SEPTIN1: variants seen among roughly 807,000 people sequenced by gnomAD.
The protein encoded by SEPTIN1 is septin 1, also known as septin-1.
A neutral mutation model predicts 50.7 loss-of-function variants in SEPTIN1; 52 were observed. The observed-to-expected ratio is 1.03, with a 90% CI of 0.82 to 1.29. The LOEUF (loss-of-function observed/expected upper bound fraction) is 1.29. SEPTIN1 is among the 50% of genes most tolerant of loss of function. The pLI is 0.00. For missense variants in SEPTIN1, 455 were observed against 490.7 expected, an observed-to-expected ratio of 0.93 and a Z score of 0.69; for synonymous variants, 204 against 189.1, an observed-to-expected ratio of 1.08 and a Z score of -0.65.
Position 30,378,483 on chromosome 16 carries a change from G to A in SEPTIN1, c.1070C>T (p.Ala357Val), listed in dbSNP as rs1008692747. 4 of 1,578,042 alleles carry A rather than the reference G, an allele frequency of 2.5e-6. No individual in the cohort carries two copies. In the Admixed American group the frequency reaches 5.6e-5, roughly 22 times the overall value. ...CTGGGCCTGGCTCTGCTGCATTTGGGCCTGCATCTTCTCCAGCATCTCTTG... is the reference window on the plus strand; with the variant it reads ...CTGGGCCTGGCTCTGCTGCATTTGGACCTGCATCTTCTCCAGCATCTCTTG... The part of the protein sequence containing the change: ...RMQEMLEKMQ[A>V]QMQQSQAQGE... The change falls in exon 11 of 11, where the codon GCC becomes GTC. Residue 357 changes from alanine (A) to valine (V), a missense_variant. Coordinates refer to ENST00000321367, the MANE Select transcript of SEPTIN1 (RefSeq NM_001365977.2).
At chr16:30,379,284 G>A (rs1567423366) in intron 8 of SEPTIN1, 101 bp from the exon 9 acceptor site, 3 of 1,516,468 alleles carry the variant, frequency 2.0e-6, no homozygotes, top group East Asian at 4.5e-5. Context: ...CCACTCTAGC[G>A]GAGGGTCCGC....
At position 30,381,897 on chromosome 16, in the gene SEPTIN1, G is replaced by C; in HGVS notation, c.197-14C>G. 6.2e-7 allele frequency: 1 copy of C among 1,613,964 alleles called. No homozygotes were observed. Among genetic ancestry groups the C allele is most frequent in the East Asian group, 2.2e-5 (1 of 44,884 alleles). On this transcript the variant is annotated splice_polypyrimidine_tract_variant and intron_variant, in intron 3 of 10. Transcript: ENST00000321367. The surrounding 1 kb of genome is among the most constrained non-coding windows in gnomAD (Gnocchi z 4.3). ...GTGTCAAGCGAGCTGTGGGATGGGG[G>C]AGAGGTCAGGGATCCGGGGAGGCTC... is the stretch of plus-strand genomic sequence containing the variant.
At position 30,381,143 on chromosome 16, in the gene SEPTIN1, T is replaced by G; in HGVS notation, c.557A>C (p.Gln186Pro). 1 of 1,613,758 alleles carries G rather than the reference T, an allele frequency of 6.2e-7. No individual in the cohort carries two copies. Among genetic ancestry groups the G allele is most frequent in the Middle Eastern group, 1.7e-4 (1 of 6,060 alleles). Reference sequence around the variant, plus strand: ...CACTCACACCTTCTGCTTGAGGGCCTGGGTTTCCTGGGGCATCAGAGCATC... The same window carrying G: ...CACTCACACCTTCTGCTTGAGGGCCGGGGTTTCCTGGGGCATCAGAGCATC... ...KADALMPQET[Q>P]ALKQKIRDQL... Residue 186 changes from glutamine (Q) to proline (P), a missense_variant, in exon 6 of 11, where the codon CAG becomes CCG. Transcript: ENST00000321367. The surrounding 1 kb of genome is among the most constrained non-coding windows in gnomAD (Gnocchi z 4.3).
In SEPTIN1 at chr16:30,378,382, A is replaced by G. The variant is rs2049780212; in HGVS notation, c.*52T>C. 1 of 1,488,176 alleles carries G rather than the reference A, an allele frequency of 6.7e-7. No individual in the cohort carries two copies. The highest frequency in any genetic ancestry group is 8.9e-7 in the Non-Finnish European group (1 of 1,119,382). The allele number at this position is 1,488,176 out of a possible 1,614,324, so 92.2% of individuals were successfully genotyped here. On this transcript the variant is annotated 3_prime_UTR_variant, in exon 11 of 11. Coordinates refer to ENST00000321367, the MANE Select transcript of SEPTIN1 (RefSeq NM_001365977.2). ...GGGCAGTGTGGGGCGCGGGGATTGG[A>G]CAAGAGGCCGACTGAAGGCGGAGCC...
chr16:30,381,693 T>G lies in SEPTIN1; in HGVS notation c.320+67A>C. 6.3e-7 allele frequency: 1 copy of G among 1,596,052 alleles called. No individual in the cohort carries two copies. On this transcript the variant is annotated intron_variant, in intron 4 of 10. Transcript: ENST00000321367. The surrounding 1 kb of genome is among the most constrained non-coding windows in gnomAD (Gnocchi z 4.3). The stretch of plus-strand genomic sequence containing the variant: ...GAGATAGGGAGCCAGCACAAACCAG[T>G]CCTGTAACTCTCCAGGGAGTCGCCA...
intron 9 of SEPTIN1, 140 bp downstream of exon 9, chr16:30,378,878 G>A: frequency 1.4e-6 from 1 of 712,230 alleles, no homozygotes; most frequent in Non-Finnish European, 2.3e-6. Flanking sequence ...GACGGAGAGA[G>A]GGAGGGAGGG....
rs373881495 is a variant in SEPTIN1 at position 30,378,452 on chromosome 16, C to T, written c.1101G>A (p.Glu367=). The T allele has an allele frequency of 1.1e-5, 18 of 1,572,482 alleles. No individual in the cohort carries two copies. The highest frequency in any genetic ancestry group is 2.0e-5 in the Admixed American group (1 of 50,204). ...AQMQQSQAQG[E]QSDAL ...CGTGGCCTCAGAGGGCGTCTGACTG[C>T]TCGCCCTGGGCCTGGCTCTGCTGCA... The change falls in exon 11 of 11, where the codon GAG becomes GAA. Residue 367 remains glutamate, a synonymous_variant. Coordinates refer to ENST00000321367, the MANE Select transcript of SEPTIN1 (RefSeq NM_001365977.2).
Position 30,379,248 on chromosome 16 carries a change from G to A in SEPTIN1, c.776-65C>T, listed in dbSNP as rs2049803945. 2.5e-6 allele frequency: 4 copies of A among 1,592,466 alleles called. No individual in the cohort carries two copies. In the African/African-American group the frequency reaches 4.0e-5, roughly 16 times the overall value. ...TTTCGGGTCCAACCCACCCGTAAGG[G>A]TCGGGTCTACAGGAAAGTCCTGCTG... On this transcript the variant is annotated intron_variant, in intron 8 of 10. Transcript: ENST00000321367.
At chr16:30,382,773 C>T, upstream of SEPTIN1, 1 of 1,535,902 alleles carries the variant, frequency 6.5e-7, no homozygotes, top group Non-Finnish European at 8.7e-7. The surrounding 1 kb of genome is among the most constrained non-coding windows in gnomAD (Gnocchi z 4.8). Context: ...GATTCCAAGT[C>T]CCACTGTAGC....
chr16:30,382,076 G>C lies in SEPTIN1; in HGVS notation c.196+17C>G. The stretch of plus-strand genomic sequence containing the variant: ...GGGACAGGGGCTACTGCCTCAAGAG[G>C]GTGGGGAGGGTCTTACCACTGGCCT... On this transcript the variant is annotated intron_variant, in intron 3 of 10. Coordinates refer to ENST00000321367, the MANE Select transcript of SEPTIN1 (RefSeq NM_001365977.2). The surrounding 1 kb of genome is among the most constrained non-coding windows in gnomAD (Gnocchi z 4.8). 1 of 1,577,618 alleles carries C rather than the reference G, an allele frequency of 6.3e-7. No individual in the cohort carries two copies. The highest frequency in any genetic ancestry group is 1.1e-5 in the South Asian group (1 of 87,694).
Position 30,378,682 on chromosome 16 carries a change from G to T in SEPTIN1, c.960C>A (p.Ser320Arg). 1 of 1,608,678 alleles carries T rather than the reference G, an allele frequency of 6.2e-7. No individual in the cohort carries two copies. The highest frequency in any genetic ancestry group is 8.5e-7 in the Non-Finnish European group (1 of 1,179,858). The change falls in exon 10 of 11, where the codon AGC (serine) becomes AGA (arginine). Residue 320 changes from serine (S) to arginine (R), a missense_variant. Coordinates refer to ENST00000321367, the MANE Select transcript of SEPTIN1 (RefSeq NM_001365977.2). ...GCATGGGCAGCGGGATCTCTGTGGCGCTCTGGCGGGAAAGCTTACTGCGGG... is the reference window on the plus strand; with the variant it reads ...GCATGGGCAGCGGGATCTCTGTGGCTCTCTGGCGGGAAAGCTTACTGCGGG... ...RASRSKLSRQSATEIPLPMLP... is the reference protein window; with the variant it reads ...RASRSKLSRQRATEIPLPMLP...
At chr16:30,379,678 TCA>T (rs2049815563) in intron 7 of SEPTIN1, 144 bp from the exon 8 acceptor site, 1 of 476,308 alleles carries the variant, frequency 2.1e-6, no homozygotes, top group Non-Finnish European at 3.6e-6. Context: ...AGACAGGGTC[TCA>T]CTCCATTGCC....
intron 7 of SEPTIN1, 48 bp downstream of exon 7, chr16:30,379,884 G>C: frequency 9.8e-7 from 1 of 1,022,292 alleles, no homozygotes. Flanking sequence ...TGGGATTACA[G>C]ACGTGAGCCA....
At chr16:30,379,569 C>T in intron 7 of SEPTIN1, 35 bp from the exon 8 acceptor site, 2 of 1,516,844 alleles carry the variant, frequency 1.3e-6, no homozygotes, top group South Asian at 1.1e-5. Flanking sequence ...ACCATTGGCT[C>T]ACACGGCAGA....
chr16:30,380,162 G>A, intron 6 of SEPTIN1, 129 bp from the exon 7 acceptor site: 1 of 634,928 alleles, frequency 1.6e-6, no homozygotes, highest in Non-Finnish European at 2.5e-6. Context: ...AGACAGAGAT[G>A]GGGAGAGATG....
In SEPTIN1 at chr16:30,381,394, T is replaced by C; in HGVS notation, c.400A>G (p.Ile134Val). ...CAGCAGTGGACTCGGGAGTCCTGGA[T>C]GTTCTTCCGGTTCAGGCCACTCTCA... ...RDESGLNRKN[I>V]QDSRVHCCLY... Residue 134 changes from isoleucine to valine, a missense_variant, in exon 5 of 11, where the codon ATC becomes GTC. By Grantham distance (29) the Ile-to-Val change is conservative. Coordinates refer to ENST00000321367, the MANE Select transcript of SEPTIN1 (RefSeq NM_001365977.2). This position sits in a 1 kb window ranked among gnomAD's most constrained non-coding sequence, Gnocchi z 4.3. 1.2e-6 allele frequency: 2 copies of C among 1,613,410 alleles called. No homozygotes were observed. The highest frequency in any genetic ancestry group is 1.7e-6 in the Non-Finnish European group (2 of 1,179,882).
At chr16:30,380,104 T>A in intron 6 of SEPTIN1, 71 bp from the exon 7 acceptor site, 1 of 1,297,714 alleles carries the variant, frequency 7.7e-7, no homozygotes, top group Non-Finnish European at 1.1e-6. Flanking sequence ...CCAGAGACAG[T>A]GAGACACAGA....
At chr16:30,380,080 C>T in intron 6 of SEPTIN1, 47 bp from the exon 7 acceptor site, 1 of 1,502,246 alleles carries the variant, frequency 6.7e-7, no homozygotes, top group Non-Finnish European at 9.1e-7. Flanking sequence ...GCCACAATGA[C>T]AGACATTTCA....
intron 7 of SEPTIN1, 80 bp from the exon 8 acceptor site, chr16:30,379,614 G>A (rs1034681551): frequency 3.0e-6 from 2 of 661,964 alleles, no homozygotes; most frequent in Non-Finnish European, 5.3e-6. Flanking sequence ...CTCCACACCC[G>A]CCTCCTCTGC....
Sources: gnomAD v4.1 joint callset for allele counts on GRCh38, gnomAD v4.1.1 for gene constraint, Gnocchi (gnomAD v3.1) non-coding constraint, MANE v1.5 for transcripts, NCBI Gene and HGNC (gene_info 2026-07-23, HGNC 2026-07-21) for gene names.